The following PHACTR1 variants were observed in gnomAD, a reference collection of about 807,000 sequenced individuals.
The protein encoded by PHACTR1 is phosphatase and actin regulator 1, also known as RPEL repeat containing 1.
A neutral mutation model predicts 69.2 loss-of-function variants in PHACTR1; 16 were observed. That is an observed-to-expected ratio of 0.23 (90% CI 0.16 to 0.35). The LOEUF is 0.35. Ranked by LOEUF, PHACTR1 falls within the 10% of genes least tolerant of loss-of-function variation. The probability of loss-of-function intolerance (pLI) is 1.00; values close to 1 mark genes in which losing one functional copy is unlikely to be tolerated. For missense variants in PHACTR1, 510 were observed against 734.7 expected, an observed-to-expected ratio of 0.69 and a Z score of 3.54; for synonymous variants, 312 against 284.5, an observed-to-expected ratio of 1.10 and a Z score of -0.97.
At chr6:12,809,048 T>A (rs1774716241) in intron 4 of PHACTR1, among the ~76,000 whole-genome samples, 2 of 151,878 alleles carry the variant, frequency 1.3e-5, no homozygotes, top group Non-Finnish European at 2.9e-5. Flanking sequence ...CAGCTAAGTT[T>A]TTTTTGGTGT....
chr6:12,824,170 G>T (rs1776531205), intron 4 of PHACTR1, among the ~76,000 whole-genome samples: 1 of 152,128 alleles, frequency 6.6e-6, no homozygotes, highest in African/African-American at 2.4e-5. Context: ...ATCGTGGAAG[G>T]CACAGGCAAG....
intron 4 of PHACTR1, among the ~76,000 whole-genome samples, chr6:12,855,886 T>C (rs553672119): frequency 6.6e-6 from 1 of 152,360 alleles, no homozygotes; most frequent in East Asian, 1.9e-4. Flanking sequence ...ATAAAAACAT[T>C]AATTAAAGAT....
At chr6:12,868,612 A>G (rs1317779537) in intron 4 of PHACTR1, among the ~76,000 whole-genome samples, 4 of 152,202 alleles carry the variant, frequency 2.6e-5, no homozygotes, top group African/African-American at 7.2e-5. Flanking sequence ...CAGACAGAGA[A>G]AGAAAGGAGC....
chr6:13,206,071 C>T lies in PHACTR1; in HGVS notation c.921C>T (p.Pro307=), dbSNP rs1337358249. 1.2e-6 allele frequency: 2 copies of T among 1,613,616 alleles called. No homozygotes were observed. Among genetic ancestry groups the T allele is most frequent in the Non-Finnish European group, 1.7e-6 (2 of 1,179,754 alleles). The change falls in exon 8 of 15, where the codon CCC becomes CCT. Residue 307 remains proline (P), a synonymous_variant. Transcript: ENST00000332995. Reference sequence around the variant, plus strand: ...CCACCGGCTCCCTCCCCATGCACCCCTCGGGCTGCAGAATGATAGACGAGC... The same window carrying T: ...CCACCGGCTCCCTCCCCATGCACCCTTCGGGCTGCAGAATGATAGACGAGC... ...PSTTGSLPMH[P]SGCRMIDELN...
intron 4 of PHACTR1, among the ~76,000 whole-genome samples, chr6:12,765,142 G>C (rs986808710): frequency 6.6e-6 from 1 of 152,114 alleles, no homozygotes; most frequent in South Asian, 2.1e-4. Flanking sequence ...CAAGAAGAAG[G>C]CTCAGTTTTG....
At chr6:13,233,044 G>A (rs560581024) in intron 10 of PHACTR1, among the ~76,000 whole-genome samples, 77 of 152,258 alleles carry the variant, frequency 5.1e-4, no homozygotes, top group Non-Finnish European at 9.4e-4. Flanking sequence ...ATAGGAAGTC[G>A]GCCTGTGAGG....
At chr6:13,229,842 C>T (rs1488996919) in intron 9 of PHACTR1, among the ~76,000 whole-genome samples, 195 bp from the exon 10 acceptor site, 1 of 152,224 alleles carries the variant, frequency 6.6e-6, no homozygotes, top group Non-Finnish European at 1.5e-5. Flanking sequence ...CATGTGCTGT[C>T]CATGTGCCCC....
At chr6:12,954,291 G>T (rs1382970265) in intron 4 of PHACTR1, among the ~76,000 whole-genome samples, 1 of 151,932 alleles carries the variant, frequency 6.6e-6, no homozygotes, top group East Asian at 1.9e-4. Flanking sequence ...AAGGAGTGTG[G>T]ATTCCATTTG....
chr6:13,105,494 G>A (rs1583379925), intron 5 of PHACTR1, among the ~76,000 whole-genome samples: 1 of 152,122 alleles, frequency 6.6e-6, no homozygotes, highest in Non-Finnish European at 1.5e-5. Context: ...TGTTTCAACA[G>A]TTCTGGCACT....
intron 4 of PHACTR1, among the ~76,000 whole-genome samples, chr6:12,904,831 T>G (rs1319618385): frequency 6.6e-6 from 1 of 152,186 alleles, no homozygotes; most frequent in Non-Finnish European, 1.5e-5. Context: ...TGCTGCTTCT[T>G]AATCCCTTTG....
At chr6:12,824,085 G>A (rs748054085) in intron 4 of PHACTR1, among the ~76,000 whole-genome samples, 8 of 152,154 alleles carry the variant, frequency 5.3e-5, no homozygotes, top group Admixed American at 1.3e-4. Flanking sequence ...GCTCCCCATC[G>A]CTTGCATTAC....
chr6:13,188,796 C>G (rs1763131578), intron 7 of PHACTR1, among the ~76,000 whole-genome samples: 1 of 152,240 alleles, frequency 6.6e-6, no homozygotes, highest in South Asian at 2.1e-4. Context: ...CCTCCAACAT[C>G]AACCATGCAA....
chr6:13,035,897 T>C (rs752103825), intron 4 of PHACTR1, among the ~76,000 whole-genome samples: 1 of 152,204 alleles, frequency 6.6e-6, no homozygotes. Flanking sequence ...ATCTGTAGAT[T>C]TGTTAGGCTT....
intron 5 of PHACTR1, among the ~76,000 whole-genome samples, chr6:13,065,835 C>G (rs1032104610): frequency 1.3e-5 from 2 of 151,902 alleles, no homozygotes; most frequent in Non-Finnish European, 2.9e-5. Flanking sequence ...ATAATCAGAG[C>G]ACTAGTTAGC....
intron 5 of PHACTR1, among the ~76,000 whole-genome samples, chr6:13,158,557 C>A (rs890475977): frequency 1.3e-5 from 2 of 152,214 alleles, no homozygotes; most frequent in African/African-American, 4.8e-5. Context: ...GGAGCTAGAA[C>A]GTAACATTTT....
At chr6:13,061,797 GA>G (rs1489584687) in intron 5 of PHACTR1, among the ~76,000 whole-genome samples, 1 of 152,060 alleles carries the variant, frequency 6.6e-6, no homozygotes, top group East Asian at 1.9e-4. Context: ...TATTTTCTGG[GA>G]AAAATTTTGT....
At chr6:12,868,118 G>A (rs948263496) in intron 4 of PHACTR1, among the ~76,000 whole-genome samples, 39 of 152,178 alleles carry the variant, frequency 2.6e-4, no homozygotes, top group African/African-American at 7.0e-4. Flanking sequence ...TTAGCTAGGC[G>A]TGGTGGCACA....
chr6:12,844,410 A>C (rs915454496), intron 4 of PHACTR1, among the ~76,000 whole-genome samples: 4 of 151,988 alleles, frequency 2.6e-5, no homozygotes, highest in Non-Finnish European at 5.9e-5. Context: ...CCCCCAAAAA[A>C]ACACAAATAA....
intron 5 of PHACTR1, among the ~76,000 whole-genome samples, chr6:13,109,442 A>G (rs1204217151): frequency 1.3e-5 from 2 of 151,906 alleles, no homozygotes; most frequent in African/African-American, 2.4e-5. Context: ...TTTCTATAAT[A>G]TAAACTTATT....
Sources: allele counts gnomAD v4.1 joint callset (sites outside exome capture counted in the v4.1 genomes callset), GRCh38; gene constraint gnomAD v4.1.1; transcripts MANE v1.5; gene names NCBI Gene and HGNC (gene_info 2026-07-23, HGNC 2026-07-21).